CDHR2: variants seen among roughly 807,000 people sequenced by gnomAD.
CDHR2 encodes cadherin related family member 2.
A neutral mutation model predicts 138.6 loss-of-function variants in CDHR2; 104 were observed. That is an observed-to-expected ratio of 0.75 (90% CI 0.64 to 0.88). The LOEUF is 0.88. CDHR2 is among the 40% of genes least tolerant of loss of function. The probability of loss-of-function intolerance (pLI) is 0.00; values close to 1 mark genes in which losing one functional copy is unlikely to be tolerated. For synonymous variants in CDHR2, 755 were observed against 742.8 expected (o/e 1.02, Z -0.27); for missense variants, 1,624 against 1,727.6 (o/e 0.94, Z 1.06).
rs1288200302 is a variant in CDHR2, at chr5:176,575,127, T to C, written c.539T>C (p.Leu180Pro). Residue 180 changes from leucine to proline, a missense_variant, in exon 8 of 32, where the codon CTG (leucine) becomes CCG (proline). Leu to Pro is a moderately conservative substitution (Grantham distance 98). Transcript: ENST00000261944. ...TGDSEHLFRI[L>P]ANGSIVLNGS... ...GACAGCGAGCATCTCTTCCGGATCC[T>C]GGCCAATGGCTCCATAGTCCTCAAT... The C allele has an allele frequency of 6.2e-7, 1 of 1,614,196 alleles. No homozygotes were observed. The highest frequency in any genetic ancestry group is 1.3e-5 in the African/African-American group (1 of 75,066).
chr5:176,594,586 G>GTTA (rs1283150701), intron 31 of CDHR2, among the ~76,000 whole-genome samples: 1 of 152,238 alleles, frequency 6.6e-6, no homozygotes, highest in Non-Finnish European at 1.5e-5. Flanking sequence ...ACCAGGTCAT[G>GTTA]TTATCGTGGG....
chr5:176,565,662 GT>G lies in CDHR2; in HGVS notation c.53-9del. 6.2e-7 allele frequency: 1 copy of G among 1,611,848 alleles called. No individual in the cohort carries two copies. Among genetic ancestry groups the G allele is most frequent in the East Asian group, 2.2e-5 (1 of 44,814 alleles). On this transcript the variant is annotated splice_polypyrimidine_tract_variant and intron_variant, in intron 2 of 31. Transcript: ENST00000261944. ...GTGTCCCGATGTTCCAGCACACTGT[GT>G]CCCTACAGTGGCAGCCAACGTGGCC...
chr5:176,581,535 G>A lies in CDHR2; in HGVS notation c.2011G>A (p.Gly671Ser), dbSNP rs143810917. 3.8e-5 allele frequency: 62 copies of A among 1,613,964 alleles called. No individual in the cohort carries two copies. Among genetic ancestry groups the A allele is most frequent in the Non-Finnish European group, 4.5e-5 (53 of 1,180,038 alleles). ...IVLTVLVSDCGEPVLGTKVNV... is the reference protein window; with the variant it reads ...IVLTVLVSDCSEPVLGTKVNV... The stretch of plus-strand genomic sequence containing the variant: ...GCTGACAGTGCTTGTGTCTGACTGC[G>A]GCGAGCCTGTCCTCGGCACCAAAGT... Residue 671 changes from glycine (G) to serine (S), a missense_variant, in exon 17 of 32, where the codon GGC becomes AGC. Gly to Ser is a moderately conservative substitution (Grantham distance 56). Around this residue, in one of 3 missense-constraint regions of CDHR2, gnomAD observed 1,061 missense variants for 1,136.6 expected, o/e 0.93. Coordinates refer to ENST00000261944, the MANE Select transcript of CDHR2 (RefSeq NM_017675.6).
intron 3 of CDHR2, among the ~76,000 whole-genome samples, chr5:176,565,959 G>A (rs533081915): frequency 1.3e-5 from 2 of 152,264 alleles, no homozygotes; most frequent in East Asian, 3.9e-4. Flanking sequence ...CGCACCTCCA[G>A]GGGCCCTCAC....
chr5:176,548,479 C>T (rs1475656315), upstream of CDHR2, among the ~76,000 whole-genome samples: 1 of 152,220 alleles, frequency 6.6e-6, no homozygotes, highest in Non-Finnish European at 1.5e-5. Context: ...GTGGCTCATC[C>T]CTGTAATCCC....
rs1237202156 is a variant in CDHR2 at position 176,553,055 on chromosome 5, G to A, written c.-16+3641G>A. Among the ~76,000 whole-genome samples, 1 of 152,200 alleles carries A rather than the reference G, an allele frequency of 6.6e-6. No homozygotes were observed. Among genetic ancestry groups the A allele is most frequent in the Non-Finnish European group, 1.5e-5 (1 of 68,034 alleles). On this transcript the variant is annotated intron_variant, in intron 1 of 31. Transcript: ENST00000261944. The surrounding 1 kb of genome is among the most constrained non-coding windows in gnomAD (Gnocchi z 4.3). Reference sequence around the variant, plus strand: ...ATCCTGCCCTGTGAGATGGGGAGGGGGGAGTTGGGAGACACTTCCATGAGG... The same window carrying A: ...ATCCTGCCCTGTGAGATGGGGAGGGAGGAGTTGGGAGACACTTCCATGAGG...
upstream of CDHR2, among the ~76,000 whole-genome samples, chr5:176,544,756 G>A (rs1757549603): frequency 6.6e-6 from 1 of 152,190 alleles, no homozygotes; most frequent in South Asian, 2.1e-4. Context: ...TTTCTAGGGT[G>A]GGAGGCTGTG....
In CDHR2 at chr5:176,565,349, T is replaced by C. The variant is rs954221196; in HGVS notation, c.-4T>C. The C allele has an allele frequency of 5.6e-6, 9 of 1,613,746 alleles. No individual in the cohort carries two copies. Among genetic ancestry groups the C allele is most frequent in the Non-Finnish European group, 6.8e-6 (8 of 1,179,778 alleles). ...ACCTCTTCCCTTAGGTCCCTGCGGA[T>C]GTGATGGCCCAGCTATGGCTGTCCT... On this transcript the variant is annotated 5_prime_UTR_variant, in exon 2 of 32. An upstream start codon of the reference 5' UTR is lost. Transcript: ENST00000261944.
rs1321447040 is a variant in CDHR2 at position 176,576,641 on chromosome 5, A to G, written c.1194+456A>G. On this transcript the variant is annotated intron_variant, in intron 12 of 31. Transcript: ENST00000261944. The surrounding 1 kb of genome is among the most constrained non-coding windows in gnomAD (Gnocchi z 4.5). ...ACCCAGGCTGGAGTGCAATGGCCCA[A>G]TCTTGGCCCACTGCAACCTCTGCCT... 6.6e-6 allele frequency among the ~76,000 whole-genome samples: 1 copy of G among 150,896 alleles called. No homozygotes were observed. The highest frequency in any genetic ancestry group is 1.5e-5 in the Non-Finnish European group (1 of 67,828).
chr5:176,578,943 T>A (rs955239334), intron 16 of CDHR2, among the ~76,000 whole-genome samples: 3 of 151,604 alleles, frequency 2.0e-5, no homozygotes, highest in African/African-American at 7.3e-5. Context: ...ATGAAAGAAA[T>A]AAGAAAAAAG....
chr5:176,576,183 A>G lies in CDHR2; in HGVS notation c.1192A>G (p.Lys398Glu), dbSNP rs1201353583. ...DLTMVVYDPD[K>E]GSNGTFLLSL... ...CACCATGGTGGTCTACGACCCGGAC[A>G]AGGCAGGCGTGGTGGCGTGGGTGTG... The change falls in exon 12 of 32, where the codon AAG (lysine) becomes GAG (glutamate). Residue 398 changes from lysine (K) to glutamate (E), a missense_variant and splice_region_variant. This residue lies in a region of CDHR2 where 1,061 missense variants were observed against 1,136.6 expected (regional missense o/e 0.93). Coordinates refer to ENST00000261944, the MANE Select transcript of CDHR2 (RefSeq NM_017675.6). This position sits in a 1 kb window ranked among gnomAD's most constrained non-coding sequence, Gnocchi z 4.5. 1.2e-6 allele frequency: 2 copies of G among 1,609,094 alleles called. No homozygotes were observed. The highest frequency in any genetic ancestry group is 1.7e-6 in the Non-Finnish European group (2 of 1,178,268).
intron 16 of CDHR2, among the ~76,000 whole-genome samples, chr5:176,580,257 G>A (rs570457431): frequency 3.3e-5 from 5 of 152,108 alleles, no homozygotes; most frequent in Non-Finnish European, 5.9e-5. Context: ...GGCCGGGCAT[G>A]GTGGCTCCTG....
chr5:176,554,199 A>G (rs1000988507), intron 1 of CDHR2, among the ~76,000 whole-genome samples: 4 of 152,222 alleles, frequency 2.6e-5, no homozygotes, highest in Non-Finnish European at 5.9e-5. Flanking sequence ...GGAAGGTAGC[A>G]TGAGAAACAG....
At chr5:176,592,879 G>T in intron 31 of CDHR2, 99 bp downstream of exon 31, 1 of 1,050,794 alleles carries the variant, frequency 9.5e-7, no homozygotes, top group Non-Finnish European at 1.5e-6. Flanking sequence ...GACATGGGCA[G>T]TTCTGCTTCT....
intron 31 of CDHR2, among the ~76,000 whole-genome samples, chr5:176,595,239 G>A (rs1238555047): frequency 6.6e-6 from 1 of 152,220 alleles, no homozygotes; most frequent in Non-Finnish European, 1.5e-5. Context: ...AGGACACAGG[G>A]CCTGGCATTA....
At chr5:176,554,777 C>T (rs1230005492) in intron 1 of CDHR2, among the ~76,000 whole-genome samples, 1 of 152,234 alleles carries the variant, frequency 6.6e-6, no homozygotes, top group African/African-American at 2.4e-5. Context: ...TCTCTGGCCT[C>T]AGCCTCCTGA....
chr5:176,567,080 T>TG (rs1474109321), intron 3 of CDHR2: 1 of 454,080 alleles, frequency 2.2e-6, no homozygotes, highest in Non-Finnish European at 4.4e-6. Context: ...GAAAGTTCCC[T>TG]GTGTCCAGTT....
intron 1 of CDHR2, among the ~76,000 whole-genome samples, chr5:176,558,799 C>T (rs997005500): frequency 2.6e-5 from 4 of 152,322 alleles, no homozygotes; most frequent in African/African-American, 7.2e-5. Context: ...GGATTACGGG[C>T]GTGAGCCACC....
chr5:176,558,525 A>G (rs1282942906), intron 1 of CDHR2, among the ~76,000 whole-genome samples: 1 of 152,030 alleles, frequency 6.6e-6, no homozygotes, highest in Non-Finnish European at 1.5e-5. Context: ...CTGGGATTAC[A>G]GGCATGTGCC....
Sources: gnomAD v4.1 joint callset for allele counts (sites outside exome capture counted in the v4.1 genomes callset) on GRCh38, gnomAD v4.1.1 for gene constraint, gnomAD v4.1.1 regional missense constraint, Gnocchi (gnomAD v3.1) non-coding constraint, MANE v1.5 for transcripts, NCBI Gene and HGNC (gene_info 2026-07-23, HGNC 2026-07-21) for gene names.